KCNC2: variants seen among roughly 807,000 people sequenced by gnomAD.
KCNC2 encodes the protein voltage-gated potassium channel KCNC2.
A neutral mutation model predicts 44.5 loss-of-function variants in KCNC2; 21 were observed. The observed-to-expected ratio is 0.47, with a 90% CI of 0.33 to 0.68. The LOEUF (loss-of-function observed/expected upper bound fraction) is 0.68, where lower values mean the gene tolerates loss of function less well. Ranked by LOEUF, KCNC2 falls within the 30% of genes least tolerant of loss-of-function variation. The pLI, the probability that KCNC2 is intolerant of heterozygous loss-of-function variation, is 0.01. For missense variants in KCNC2, 589 were observed against 826.2 expected, an observed-to-expected ratio of 0.71 and a Z score of 3.52; for synonymous variants, 391 against 339.1, an observed-to-expected ratio of 1.15 and a Z score of -1.68.
At chr12:75,201,984 A>G (rs2249388) in intron 2 of KCNC2, among the ~76,000 whole-genome samples, 77,460 of 151,720 alleles carry the variant, frequency 0.51, 22,959 homozygotes, top group African/African-American at 0.83. Context: ...TCAGAAGTTC[A>G]AAGAATACAA....
intron 2 of KCNC2, among the ~76,000 whole-genome samples, chr12:75,113,251 A>G (rs551912812): frequency 6.6e-6 from 1 of 152,258 alleles, no homozygotes; most frequent in South Asian, 2.1e-4. Context: ...TAATGTACTA[A>G]CTAATCACAA....
At chr12:75,200,383 A>G (rs1422818958) in intron 2 of KCNC2, among the ~76,000 whole-genome samples, 2 of 151,846 alleles carry the variant, frequency 1.3e-5, no homozygotes, top group Non-Finnish European at 2.9e-5. Flanking sequence ...TCTAATCAGC[A>G]TAAACACCAG....
intron 2 of KCNC2, among the ~76,000 whole-genome samples, chr12:75,059,789 T>C (rs968616422): frequency 2.0e-5 from 3 of 152,134 alleles, no homozygotes; most frequent in African/African-American, 7.2e-5. Context: ...AAATAAATTT[T>C]TTAATATTAT....
At chr12:75,065,942 A>C (rs558936122) in intron 2 of KCNC2, among the ~76,000 whole-genome samples, 1 of 152,270 alleles carries the variant, frequency 6.6e-6, no homozygotes, top group South Asian at 2.1e-4. Flanking sequence ...TTACATTCAT[A>C]TTTTGAATTT....
chr12:75,091,154 C>A (rs894249256), intron 2 of KCNC2, among the ~76,000 whole-genome samples: 1 of 151,722 alleles, frequency 6.6e-6, no homozygotes, highest in Non-Finnish European at 1.5e-5. Context: ...AGACATATTA[C>A]AATACCAAAG....
chr12:75,181,916 C>CTTTTTTTTTTTTTTTTTTTTTTTT lies in KCNC2; in HGVS notation c.687+25357_687+25380dup, dbSNP rs61089425. ...AAACATTATTACTATTAATATCTTCCTTTTTTTTTTTTTTTTTTTTTTTTT... is the reference window on the plus strand; with the variant it reads ...AAACATTATTACTATTAATATCTTCCTTTTTTTTTTTTTTTTTTTTTTTTTTTTTTTTTTTTTTTTTTTTTTTTT... On this transcript the variant is annotated intron_variant, in intron 2 of 4. Coordinates refer to ENST00000549446, the MANE Select transcript of KCNC2 (RefSeq NM_139137.4). Among the ~76,000 whole-genome samples, 32 of 47,876 alleles carry CTTTTTTTTTTTTTTTTTTTTTTTT rather than the reference C, an allele frequency of 6.7e-4. 12 individuals carry two copies. The highest frequency in any genetic ancestry group is 1.0e-3 in the Non-Finnish European group (26 of 25,268). 31.4% of individuals were successfully genotyped at this position (47,876 alleles called of 152,430 possible).
intron 2 of KCNC2, among the ~76,000 whole-genome samples, chr12:75,138,190 T>C (rs1044195153): frequency 3.3e-5 from 5 of 152,212 alleles, no homozygotes; most frequent in Non-Finnish European, 7.3e-5. Flanking sequence ...CTGCATTTTT[T>C]GCTGTTGGAT....
At chr12:75,176,961 G>A (rs978747388) in intron 2 of KCNC2, among the ~76,000 whole-genome samples, 15 of 150,676 alleles carry the variant, frequency 1.0e-4, no homozygotes, top group South Asian at 2.1e-4. Context: ...GGACTATTGC[G>A]TCTCGTTAAA....
chr12:75,043,292 C>T (rs530160260), intron 4 of KCNC2, 51 bp from the exon 5 acceptor site: 1 of 1,605,774 alleles, frequency 6.2e-7, no homozygotes, highest in African/African-American at 1.3e-5. Context: ...AGAATATAGA[C>T]AGACAAATAA....
At chr12:75,058,882 G>T (rs1382314031) in intron 2 of KCNC2, among the ~76,000 whole-genome samples, 1 of 152,040 alleles carries the variant, frequency 6.6e-6, no homozygotes, top group East Asian at 1.9e-4. Flanking sequence ...TACATATTAA[G>T]TTAGAGCTGT....
chr12:75,103,745 C>CT (rs1450747491), intron 2 of KCNC2, among the ~76,000 whole-genome samples: 2 of 152,110 alleles, frequency 1.3e-5, no homozygotes, highest in South Asian at 4.1e-4. Flanking sequence ...CCTATATACA[C>CT]TTTTTTCTAT....
At chr12:75,053,924 T>G (rs1881458589) in intron 2 of KCNC2, among the ~76,000 whole-genome samples, 1 of 151,426 alleles carries the variant, frequency 6.6e-6, no homozygotes, top group African/African-American at 2.4e-5. Context: ...TTATTTTGCT[T>G]TAAGAACAAC....
At chr12:75,156,202 A>G (rs1890745925) in intron 2 of KCNC2, among the ~76,000 whole-genome samples, 1 of 151,888 alleles carries the variant, frequency 6.6e-6, no homozygotes, top group African/African-American at 2.4e-5. Context: ...GACATAGAGC[A>G]GGAGTCAGCA....
intron 2 of KCNC2, among the ~76,000 whole-genome samples, chr12:75,119,348 C>T (rs1887890909): frequency 7.7e-6 from 1 of 130,182 alleles, no homozygotes; most frequent in African/African-American, 3.5e-5. Flanking sequence ...AAACTAATCA[C>T]TGCTAGGAAG....
intron 2 of KCNC2, among the ~76,000 whole-genome samples, chr12:75,063,453 T>A (rs1194139869): frequency 6.6e-6 from 1 of 152,048 alleles, no homozygotes; most frequent in African/African-American, 2.4e-5. Flanking sequence ...TGCCAAATTA[T>A]TAGCCTTCCC....
At chr12:75,086,560 C>T (rs943324111) in intron 2 of KCNC2, among the ~76,000 whole-genome samples, 2 of 150,882 alleles carry the variant, frequency 1.3e-5, no homozygotes, top group Non-Finnish European at 2.9e-5. Flanking sequence ...ATGTAGTAGA[C>T]ACGCTCCATG....
chr12:75,084,254 T>TAGATAGATATATTA (rs5799207), intron 2 of KCNC2, among the ~76,000 whole-genome samples: 1 of 138,346 alleles, frequency 7.2e-6, no homozygotes, highest in Non-Finnish European at 1.6e-5. Context: ...TAGATGATGA[T>TAGATAGATATATTA]GATAGATAGA....
intron 2 of KCNC2, among the ~76,000 whole-genome samples, chr12:75,129,764 T>C (rs1186973539): frequency 6.6e-6 from 1 of 152,130 alleles, no homozygotes; most frequent in Non-Finnish European, 1.5e-5. Context: ...CCCATAATAA[T>C]CAGTATACCA....
chr12:75,138,931 A>G (rs150059812), intron 2 of KCNC2, among the ~76,000 whole-genome samples: 2 of 140,888 alleles, frequency 1.4e-5, no homozygotes, highest in African/African-American at 5.2e-5. Context: ...CAGTGAGCGG[A>G]GATCGCGCCA....
Sources: gnomAD v4.1 joint callset for allele counts (sites outside exome capture counted in the v4.1 genomes callset) on GRCh38, gnomAD v4.1.1 for gene constraint, MANE v1.5 for transcripts, NCBI Gene and HGNC (gene_info 2026-07-23, HGNC 2026-07-21) for gene names.